Variants in TRIO observed in about 807,000 individuals in gnomAD.
TRIO encodes the protein trio Rho guanine nucleotide exchange factor.
TRIO carries 58 observed loss-of-function variants against 351.9 expected under a neutral mutation model. The observed-to-expected ratio is 0.16, with a 90% CI of 0.13 to 0.21. TRIO has a LOEUF of 0.21. Among genes scored for constraint, TRIO ranks in the 10% least tolerant of loss-of-function variants. TRIO has a pLI of 1.00. For synonymous variants in TRIO, 1,758 were observed against 1,595.7 expected (o/e 1.10, Z -2.42); for missense variants, 3,201 against 4,027.8 (o/e 0.79, Z 5.56).
Position 14,386,118 on chromosome 5 carries a change from A to G in TRIO, c.3571-1320A>G, listed in dbSNP as rs1348725964. Among the ~76,000 whole-genome samples the G allele has an allele frequency of 3.3e-5, 5 of 152,226 alleles. No homozygotes were observed. In the East Asian group the frequency reaches 9.6e-4, roughly 29 times the overall value. ...ATGGGAAGCAGCAGAGCAGAAGAAT[A>G]GGCAGGGAGGCAAGCTGCAGTTTAA... On this transcript the variant is annotated intron_variant, in intron 21 of 56. Coordinates refer to ENST00000344204, the MANE Select transcript of TRIO (RefSeq NM_007118.4).
chr5:14,349,287 C>T (rs932513075), intron 11 of TRIO, among the ~76,000 whole-genome samples: 2 of 148,930 alleles, frequency 1.3e-5, no homozygotes, highest in African/African-American at 5.1e-5. Context: ...TGTGTGTACG[C>T]ACGTGAGCAT....
intron 1 of TRIO, among the ~76,000 whole-genome samples, chr5:14,147,033 C>T (rs1003387843): frequency 3.9e-5 from 6 of 152,174 alleles, no homozygotes; most frequent in African/African-American, 1.4e-4. Context: ...GAGTCAAGTC[C>T]TGGTGCTTGT....
chr5:14,425,557 T>C (rs1237747783), intron 34 of TRIO, among the ~76,000 whole-genome samples: 1 of 141,186 alleles, frequency 7.1e-6, no homozygotes, highest in East Asian at 1.9e-4. Context: ...TTTCAGTCCT[T>C]CTGGGTGTAT....
intron 33 of TRIO, among the ~76,000 whole-genome samples, chr5:14,417,268 C>G (rs1749724868): frequency 1.3e-5 from 2 of 152,260 alleles, no homozygotes; most frequent in South Asian, 2.1e-4. Flanking sequence ...TCCTTGTGGC[C>G]TAGCAAAGCT....
In TRIO at chr5:14,143,892, A is replaced by G; in HGVS notation, c.157+10A>G. On this transcript the variant is annotated intron_variant, in intron 1 of 56. Coordinates refer to ENST00000344204, the MANE Select transcript of TRIO (RefSeq NM_007118.4). Reference sequence around the variant, plus strand: ...GCCTTCTTCCGATCCGGTGAGTGCAACTGCGGCCGGCCCGCCCAGCGGCGC... The same window carrying G: ...GCCTTCTTCCGATCCGGTGAGTGCAGCTGCGGCCGGCCCGCCCAGCGGCGC... The G allele has an allele frequency of 9.3e-7, 1 of 1,071,102 alleles. No homozygotes were observed. The highest frequency in any genetic ancestry group is 1.7e-5 in the African/African-American group (1 of 59,060). 66.3% of individuals were successfully genotyped at this position (1,071,102 alleles called of 1,614,324 possible).
intron 1 of TRIO, among the ~76,000 whole-genome samples, chr5:14,175,984 C>T (rs968351143): frequency 6.6e-6 from 1 of 152,306 alleles, no homozygotes; most frequent in East Asian, 1.9e-4. Context: ...AACCATAATT[C>T]TTATTTAAAA....
At chr5:14,222,164 A>C (rs1183381070) in intron 1 of TRIO, among the ~76,000 whole-genome samples, 1 of 151,212 alleles carries the variant, frequency 6.6e-6, no homozygotes, top group African/African-American at 2.4e-5. Flanking sequence ...TTTAGCAATA[A>C]AGTATTTTTA....
chr5:14,271,043 G>A lies in TRIO; in HGVS notation c.232+144G>A, dbSNP rs1795947350. The A allele has an allele frequency of 4.6e-6, 3 of 648,142 alleles. No homozygotes were observed. In the South Asian group the frequency reaches 6.0e-5, roughly 13 times the overall value. The allele number at this position is 648,142 out of a possible 1,614,324, so 40.1% of individuals were successfully genotyped here. ...TGAATGGCTTTATTCTTGTAGCACT[G>A]TTTCTGAGAAATTAGTGCCCAAAGC... On this transcript the variant is annotated intron_variant, in intron 2 of 56. Transcript: ENST00000344204.
In TRIO at chr5:14,508,455, C is replaced by T; in HGVS notation, c.*33C>T. ...AGAAGTTCTTTCTCATTCTCTTTCA[C>T]CTGCCAATCAGCTGTTAATCTGAAT... On this transcript the variant is annotated 3_prime_UTR_variant, in exon 57 of 57. Coordinates refer to ENST00000344204, the MANE Select transcript of TRIO (RefSeq NM_007118.4). 6.5e-7 allele frequency: 1 copy of T among 1,549,458 alleles called. No individual in the cohort carries two copies.
chr5:14,327,746 C>T (rs1439728747), intron 9 of TRIO, among the ~76,000 whole-genome samples: 2 of 152,152 alleles, frequency 1.3e-5, no homozygotes, highest in African/African-American at 4.8e-5. Context: ...ACTTATGTAC[C>T]TCTAAATTCT....
rs374502864 is a variant in TRIO at position 14,405,967 on chromosome 5, C to T, written c.4836C>T (p.Pro1612=). The change falls in exon 32 of 57, where the codon CCC becomes CCT. Residue 1612 remains proline (P), a synonymous_variant. Transcript: ENST00000344204. ...CCATTCACATCCCTAAGACCGCTCC[C>T]GCCACAAGACAGAAGGGAAGGAGGT... ...KEPIHIPKTA[P]ATRQKGRRDG... is the part of the protein sequence containing the mutation. 149 of 1,613,540 alleles carry T rather than the reference C, an allele frequency of 9.2e-5. No homozygotes were observed. In the African/African-American group the frequency reaches 1.4e-3, roughly 15 times the overall value.
chr5:14,481,976 T>A (rs1448901439), intron 45 of TRIO, among the ~76,000 whole-genome samples: 1 of 151,994 alleles, frequency 6.6e-6, no homozygotes, highest in Non-Finnish European at 1.5e-5. Context: ...GTCCCCACTC[T>A]CTCATCTCTG....
At chr5:14,394,982 T>C (rs1747435703) in intron 28 of TRIO, among the ~76,000 whole-genome samples, 1 of 152,212 alleles carries the variant, frequency 6.6e-6, no homozygotes, top group Non-Finnish European at 1.5e-5. Context: ...GAAACATGCA[T>C]TCATCCCAGT....
At chr5:14,217,397 C>T (rs942577965) in intron 1 of TRIO, among the ~76,000 whole-genome samples, 8 of 152,054 alleles carry the variant, frequency 5.3e-5, no homozygotes, top group African/African-American at 1.9e-4. Context: ...GGCACTAGTC[C>T]CCAGGAGAGT....
intron 34 of TRIO, 142 bp downstream of exon 34, chr5:14,420,163 GCATTTCCAGTC>G: frequency 7.8e-7 from 1 of 1,282,026 alleles, no homozygotes; most frequent in Non-Finnish European, 1.1e-6. Context: ...GACTGTCCGG[GCATTTCCAGTC>G]CATCAGCACC....
chr5:14,361,028 C>T lies in TRIO; in HGVS notation c.2391+1497C>T, dbSNP rs148946709. 9.4e-3 allele frequency among the ~76,000 whole-genome samples: 1,438 copies of T among 152,294 alleles called. 5 individuals are homozygous for T. Among genetic ancestry groups the T allele is most frequent in the Middle Eastern group, 0.027 (8 of 294 alleles). ...CCCCAAGGTAGCAGCACAGAATAAA[C>T]GGGAGGCCAGCCACGCCTACTTTCC... On this transcript the variant is annotated intron_variant, in intron 13 of 56. Transcript: ENST00000344204.
intron 9 of TRIO, among the ~76,000 whole-genome samples, chr5:14,324,240 T>C (rs948594414): frequency 2.6e-5 from 4 of 152,228 alleles, no homozygotes; most frequent in Admixed American, 2.0e-4. Flanking sequence ...AAGAACAAAT[T>C]CAGAGTATTT....
At chr5:14,196,331 G>T (rs529679448) in intron 1 of TRIO, among the ~76,000 whole-genome samples, 9 of 148,124 alleles carry the variant, frequency 6.1e-5, no homozygotes, top group African/African-American at 2.2e-4. Context: ...GCTGAGGCAG[G>T]AGAATCGCTT....
chr5:14,418,163 G>A (rs757146353), intron 33 of TRIO, among the ~76,000 whole-genome samples: 25 of 152,288 alleles, frequency 1.6e-4, no homozygotes, highest in Non-Finnish European at 7.4e-5. Flanking sequence ...TAGAGGGGAC[G>A]TGGGGGCTTT....
Sources: allele counts gnomAD v4.1 joint callset (sites outside exome capture counted in the v4.1 genomes callset), GRCh38; gene constraint gnomAD v4.1.1; transcripts MANE v1.5; gene names NCBI Gene and HGNC (gene_info 2026-07-23, HGNC 2026-07-21).